The following CHIC2 variants were observed in gnomAD, a reference collection of about 807,000 sequenced individuals.
The protein encoded by CHIC2 is cysteine-rich hydrophobic domain-containing protein 2.
A neutral mutation model predicts 25.9 loss-of-function variants in CHIC2; 14 were observed. The ratio of observed to expected loss-of-function variants is 0.54; its 90% CI spans 0.36 to 0.85. CHIC2 has a LOEUF of 0.85. Ranked by LOEUF, CHIC2 falls within the 40% of genes least tolerant of loss-of-function variation. The pLI is 0.01. For synonymous variants in CHIC2, 70 were observed against 72.0 expected, an observed-to-expected ratio of 0.97 and a Z score of 0.14; for missense variants, 146 against 202.0, an observed-to-expected ratio of 0.72 and a Z score of 1.68.
chr4:54,049,363 A>G (rs1716934921), intron 1 of CHIC2, 58 bp from the exon 2 acceptor site: 3 of 1,120,378 alleles, frequency 2.7e-6, no homozygotes, highest in East Asian at 2.5e-5. Context: ...AAAAATGTAG[A>G]CCATTTAATT....
chr4:54,017,628 A>C (rs1045376162), intron 3 of CHIC2, among the ~76,000 whole-genome samples: 1 of 152,148 alleles, frequency 6.6e-6, no homozygotes, highest in Non-Finnish European at 1.5e-5. Flanking sequence ...GATCAACAAG[A>C]AATGTAATTT....
intron 3 of CHIC2, among the ~76,000 whole-genome samples, chr4:54,028,471 C>A (rs540110195): frequency 1.3e-5 from 2 of 152,230 alleles, no homozygotes; most frequent in Middle Eastern, 3.4e-3. Context: ...TTAAAATAAT[C>A]TGAATATCTG....
the CHIC2 span, among the ~76,000 whole-genome samples, chr4:54,077,342 G>A: frequency 6.6e-6 from 1 of 152,152 alleles, no homozygotes; most frequent in Non-Finnish European, 1.5e-5. Context: ...TCAAAGCCTT[G>A]TAGAAACACA....
At chr4:54,052,817 T>C (rs1370295989) in intron 1 of CHIC2, among the ~76,000 whole-genome samples, 1 of 152,192 alleles carries the variant, frequency 6.6e-6, no homozygotes, top group East Asian at 1.9e-4. Flanking sequence ...ATTGAAAATA[T>C]TTATACCTTT....
the CHIC2 span, among the ~76,000 whole-genome samples, chr4:54,091,574 C>G: frequency 6.6e-6 from 1 of 152,186 alleles, no homozygotes; most frequent in African/African-American, 2.4e-5. Flanking sequence ...TCAAAGACCA[C>G]ATTGGGTACA....
At chr4:54,083,018 C>CTTTTTTTTTTTTTTTTTTTTTTTTTTTTT in the CHIC2 span, among the ~76,000 whole-genome samples, 4 of 67,908 alleles carry the variant, frequency 5.9e-5, no homozygotes, top group South Asian at 6.5e-4. Flanking sequence ...TTCTTTCTTT[C>CTTTTTTTTTTTTTTTTTTTTTTTTTTTTT]TTTTTTTTTT....
upstream of CHIC2, among the ~76,000 whole-genome samples, chr4:54,067,104 C>A (rs1459908107): frequency 6.6e-6 from 1 of 152,208 alleles, no homozygotes; most frequent in Non-Finnish European, 1.5e-5. Context: ...TTCCAGAACA[C>A]TGTGACTTAA....
At chr4:54,020,838 A>G (rs1385006459) in intron 3 of CHIC2, among the ~76,000 whole-genome samples, 1 of 152,176 alleles carries the variant, frequency 6.6e-6, no homozygotes, top group Non-Finnish European at 1.5e-5. Context: ...TAATCATTGC[A>G]GAGACGCCTG....
upstream of CHIC2, among the ~76,000 whole-genome samples, chr4:54,065,130 C>A (rs907588058): frequency 2.5e-4 from 38 of 152,280 alleles, no homozygotes; most frequent in African/African-American, 8.9e-4. Context: ...AGAGACACTG[C>A]AAACATTTGT....
chr4:54,057,839 C>T (rs879491717), intron 1 of CHIC2, among the ~76,000 whole-genome samples: 1 of 152,176 alleles, frequency 6.6e-6, no homozygotes, highest in Admixed American at 6.5e-5. Flanking sequence ...CATCTACATT[C>T]AACAATCAGG....
the CHIC2 span, among the ~76,000 whole-genome samples, chr4:54,090,838 C>T: frequency 2.0e-5 from 3 of 152,008 alleles, no homozygotes; most frequent in Admixed American, 6.5e-5. Flanking sequence ...TTCAATGCAT[C>T]GTCTTATTAC....
chr4:54,055,436 T>C (rs1403336241), intron 1 of CHIC2, among the ~76,000 whole-genome samples: 2 of 152,188 alleles, frequency 1.3e-5, no homozygotes, highest in Admixed American at 1.3e-4. Context: ...AAAAAGTTTT[T>C]GATCTAAACA....
chr4:54,084,983 C>CAAAAAAAAAAAAAAAAAAAAAAAAAAA, the CHIC2 span, among the ~76,000 whole-genome samples: 15 of 106,774 alleles, frequency 1.4e-4, no homozygotes, highest in African/African-American at 5.3e-4. Flanking sequence ...AAAAAAAAAT[C>CAAAAAAAAAAAAAAAAAAAAAAAAAAA]AAACAGGTAG....
intron 3 of CHIC2, among the ~76,000 whole-genome samples, chr4:54,040,662 C>T (rs551598809): frequency 2.1e-5 from 3 of 143,232 alleles, no homozygotes; most frequent in African/African-American, 7.8e-5. Flanking sequence ...GAGACCACAC[C>T]ACTGCACTCC....
chr4:54,015,413 C>G (rs1715709470), intron 3 of CHIC2, among the ~76,000 whole-genome samples: 1 of 152,066 alleles, frequency 6.6e-6, no homozygotes, highest in Non-Finnish European at 1.5e-5. Context: ...GTAAAGATAG[C>G]CTTTTAGAGG....
At chr4:54,028,853 A>G (rs1450246075) in intron 3 of CHIC2, among the ~76,000 whole-genome samples, 1 of 152,192 alleles carries the variant, frequency 6.6e-6, no homozygotes, top group Non-Finnish European at 1.5e-5. Flanking sequence ...GACTGGGCGC[A>G]GCGGCTCACG....
chr4:54,073,365 T>G, the CHIC2 span, among the ~76,000 whole-genome samples: 1 of 152,228 alleles, frequency 6.6e-6, no homozygotes, highest in Admixed American at 6.5e-5. Flanking sequence ...AGAGGTGACC[T>G]GTGTGACCAA....
At chr4:54,080,651 A>G in the CHIC2 span, among the ~76,000 whole-genome samples, 2 of 151,532 alleles carry the variant, frequency 1.3e-5, no homozygotes, top group African/African-American at 4.9e-5. Context: ...CTGTAGTCTC[A>G]GCTACTTGGG....
intron 1 of CHIC2, among the ~76,000 whole-genome samples, chr4:54,053,573 A>C (rs1717075531): frequency 6.6e-6 from 1 of 151,610 alleles, no homozygotes; most frequent in Admixed American, 6.6e-5. Context: ...AAAAAAAAAA[A>C]AAAAAAATTC....
Sources: allele counts gnomAD v4.1 joint callset (sites outside exome capture counted in the v4.1 genomes callset), GRCh38; gene constraint gnomAD v4.1.1; transcripts MANE v1.5; gene names NCBI Gene and HGNC (gene_info 2026-07-23, HGNC 2026-07-21).